The following TCHH variants were observed in gnomAD, a reference collection of about 807,000 sequenced individuals.
TCHH encodes trichohyalin.
A neutral mutation model predicts 6.3 loss-of-function variants in TCHH; 6 were observed. The ratio of observed to expected loss-of-function variants is 0.95; its 90% confidence interval spans 0.52 to 1.88. TCHH has a LOEUF of 1.88. Among genes scored for constraint, TCHH ranks in the 40% most tolerant of loss-of-function variants. The probability of loss-of-function intolerance (pLI) is 0.01; values close to 1 mark genes in which losing one functional copy is unlikely to be tolerated. For missense variants in TCHH, 2,920 were observed against 2,449.1 expected (o/e 1.19, Z -4.06); for synonymous variants, 1,087 against 963.6 (o/e 1.13, Z -2.37).
At position 152,109,355 on chromosome 1, in the gene TCHH, G is replaced by C; in HGVS notation, c.3862C>G (p.Gln1288Glu). ...DREQERRRWQQRDRHFPEEEQ... is the reference protein window; with the variant it reads ...DREQERRRWQERDRHFPEEEQ... ...TCCTCTGGGAAATGCCTGTCGCGCT[G>C]CTGCCAGCGCCTCCTCTCTTGCTCA... Residue 1288 changes from glutamine to glutamate, a missense_variant, in exon 3 of 3, where the codon CAG becomes GAG. Transcript: ENST00000614923. 4 of 1,614,210 alleles carry C rather than the reference G, an allele frequency of 2.5e-6. No homozygotes were observed. The South Asian group carries it at 4.4e-5, about 18-fold the overall frequency.
chr1:152,110,245 C>A lies in TCHH; in HGVS notation c.2972G>T (p.Arg991Leu), dbSNP rs769772669. Residue 991 changes from arginine (R) to leucine (L), a missense_variant, in exon 3 of 3, where the codon CGC (arginine) becomes CTC (leucine). Coordinates refer to ENST00000614923, the MANE Select transcript of TCHH (RefSeq NM_007113.4). ...CTCCTGCTGCAACTCCTCTTCCTCGCGGTATTTTTTCTCCCGCTCCTGGCG... is the reference window on the plus strand; with the variant it reads ...CTCCTGCTGCAACTCCTCTTCCTCGAGGTATTTTTTCTCCCGCTCCTGGCG... ...RRRQEREKKY[R>L]EEEELQQEEE... 2 of 1,608,492 alleles carry A rather than the reference C, an allele frequency of 1.2e-6. No homozygotes were observed. Among genetic ancestry groups the A allele is most frequent in the African/African-American group, 2.7e-5 (2 of 74,146 alleles).
rs1158934278 is a variant in TCHH at position 152,108,059 on chromosome 1, C to A, written c.5158G>T (p.Glu1720Ter). Residue 1720 changes from glutamate (E) to a stop codon, truncating the protein, a stop_gained, in exon 3 of 3, where the codon GAA becomes TAA. Coordinates refer to ENST00000614923, the MANE Select transcript of TCHH (RefSeq NM_007113.4). LOFTEE classifies it low-confidence loss of function (END_TRUNC). ...TCCTCACGGAATTTTCTCTCCAGTT[C>A]CTGGCGGCGCAGCTGCTGTTCCTCC... ...LQEEQQLRRQ[E>*]LERKFREEEQ... 1.9e-6 allele frequency: 3 copies of A among 1,613,816 alleles called. No individual in the cohort carries two copies. The highest frequency in any genetic ancestry group is 2.5e-6 in the Non-Finnish European group (3 of 1,179,956).
Position 152,112,642 on chromosome 1 carries a change from T to C in TCHH, c.575A>G (p.Gln192Arg). 6.2e-7 allele frequency: 1 copy of C among 1,613,890 alleles called. No individual in the cohort carries two copies. Among genetic ancestry groups the C allele is most frequent in the Non-Finnish European group, 8.5e-7 (1 of 1,180,014 alleles). The change falls in exon 3 of 3, where the codon CAG (glutamine) becomes CGG (arginine). Residue 192 changes from glutamine (Q) to arginine (R), a missense_variant. Physicochemically the swap from Gln to Arg is conservative, Grantham distance 43. Transcript: ENST00000614923. Reference protein sequence around the residue: ...EREERRAEEEQLQSCKGHETE... With the variant: ...EREERRAEEERLQSCKGHETE... ...TTCGTGACCTTTGCAACTCTGCAGC[T>C]GCTCTTCCTCTGCACGGCGCTCTTC...
rs368531793 is a variant in TCHH at position 152,110,096 on chromosome 1, T to C, written c.3121A>G (p.Arg1041Gly). 1.1e-5 allele frequency: 17 copies of C among 1,611,050 alleles called. No homozygotes were observed. Among genetic ancestry groups the C allele is most frequent in the Non-Finnish European group, 1.4e-5 (16 of 1,178,970 alleles). Reference sequence around the variant, plus strand: ...TGCCTCTCCCGCTCCTGGAGTCTTCTTTTCTCCCGTTCCTCTCTCAGCAGC... The same window carrying C: ...TGCCTCTCCCGCTCCTGGAGTCTTCCTTTCTCCCGTTCCTCTCTCAGCAGC... ...EQLLREEREK[R>G]RLQERERQYR... Residue 1041 changes from arginine to glycine, a missense_variant, in exon 3 of 3, where the codon AGA becomes GGA. Transcript: ENST00000614923.
chr1:152,107,385 T>C lies in TCHH; in HGVS notation c.5832A>G (p.Ter1944=), dbSNP rs1658132554. 1.9e-6 allele frequency: 3 copies of C among 1,549,220 alleles called. No homozygotes were observed. The South Asian group carries it at 3.7e-5, about 19-fold the overall frequency. ...IQEQRSQYRP[*] ...GGTGTCAAGATATTGGCAACATCACTTAAGGGCGGTATTGAGATCTCTGCT... is the reference window on the plus strand; with the variant it reads ...GGTGTCAAGATATTGGCAACATCACCTAAGGGCGGTATTGAGATCTCTGCT... Residue 1944 remains the stop codon, a stop_retained_variant, in exon 3 of 3, where the codon TAA becomes TAG. Coordinates refer to ENST00000614923, the MANE Select transcript of TCHH (RefSeq NM_007113.4).
chr1:152,112,414 T>C lies in TCHH; in HGVS notation c.803A>G (p.Gln268Arg). Residue 268 changes from glutamine to arginine, a missense_variant, in exon 3 of 3, where the codon CAA becomes CGA. By Grantham distance (43) the Gln-to-Arg change is conservative. Transcript: ENST00000614923. Reference protein sequence around the residue: ...EKLQEEEPQRQRELQEEEEQL... With the variant: ...EKLQEEEPQRRRELQEEEEQL... ...CTCTTCTTCCTCCTGGAGCTCTCTT[T>C]GCCGCTGCGGCTCCTCTTCCTGCAA... 1 of 1,613,898 alleles carries C rather than the reference T, an allele frequency of 6.2e-7. No homozygotes were observed. The highest frequency in any genetic ancestry group is 8.5e-7 in the Non-Finnish European group (1 of 1,180,004).
Position 152,106,685 on chromosome 1 carries a change from CAT to C in TCHH, c.*698_*699del, listed in dbSNP as rs1390049224. 2.6e-5 allele frequency: 4 copies of C among 152,134 alleles called. No individual in the cohort carries two copies. The highest frequency in any genetic ancestry group is 5.9e-5 in the Non-Finnish European group (4 of 68,018). 9.4% of individuals were successfully genotyped at this position (152,134 alleles called of 1,614,324 possible). ...TGAACTCTGAAGTTGAGAAACACCT[CAT>C]TATTTCTTCATGAGATTATGTGTTT... On this transcript the variant is annotated 3_prime_UTR_variant, in exon 3 of 3. Transcript: ENST00000614923.
Position 152,110,306 on chromosome 1 carries a change from C to T in TCHH, c.2911G>A (p.Glu971Lys). 6.2e-7 allele frequency: 1 copy of T among 1,611,646 alleles called. No homozygotes were observed. Among genetic ancestry groups the T allele is most frequent in the Non-Finnish European group, 8.5e-7 (1 of 1,178,960 alleles). Residue 971 changes from glutamate (E) to lysine (K), a missense_variant, in exon 3 of 3, where the codon GAG becomes AAG. By Grantham distance (56) the Glu-to-Lys change is moderately conservative. Coordinates refer to ENST00000614923, the MANE Select transcript of TCHH (RefSeq NM_007113.4). ...TCCGGTTCCTCTCCCAGCAGCTGCT[C>T]TTCCTTCTGCTGCAGCTTCTTATCC... ...RKDKKLQQKE[E>K]QLLGEEPEKR...
chr1:152,113,606 G>A (rs535250883), intron 2 of TCHH, among the ~76,000 whole-genome samples: 25 of 152,230 alleles, frequency 1.6e-4, no homozygotes, highest in Admixed American at 3.9e-4. Context: ...AAACATTTAC[G>A]GGTAGCACCA....
Position 152,108,498 on chromosome 1 carries a change from G to T in TCHH, c.4719C>A (p.Ser1573Arg), listed in dbSNP as rs751340114. 1.2e-6 allele frequency: 2 copies of T among 1,612,100 alleles called. No individual in the cohort carries two copies. Among genetic ancestry groups the T allele is most frequent in the Non-Finnish European group, 1.7e-6 (2 of 1,179,490 alleles). ...GGAATTTTCTGTCACGCTCTTGGCG[G>T]CTCAGCTGCTGTTCCTCCCTCTCCT... The part of the protein sequence containing the change: ...LRQEREEQQL[S>R]RQERDRKFRL... The change falls in exon 3 of 3, where the codon AGC becomes AGA. Residue 1573 changes from serine to arginine, a missense_variant. Ser to Arg is a moderately radical substitution (Grantham distance 110, BLOSUM62 -1). Coordinates refer to ENST00000614923, the MANE Select transcript of TCHH (RefSeq NM_007113.4).
Position 152,108,961 on chromosome 1 carries a change from T to C in TCHH, c.4256A>G (p.Glu1419Gly), listed in dbSNP as rs1658217505. 1.2e-6 allele frequency: 2 copies of C among 1,613,324 alleles called. No homozygotes were observed. The highest frequency in any genetic ancestry group is 1.7e-5 in the Admixed American group (1 of 59,960). Reference protein sequence around the residue: ...RQDRDRKFREEEQQLSRQERD... With the variant: ...RQDRDRKFREGEQQLSRQERD... ...CTCTTGGCGGCTCAGCTGCTGTTCC[T>C]CCTCGCGGAATTTTCTGTCGCGGTC... is the stretch of plus-strand genomic sequence containing the variant. Residue 1419 changes from glutamate (E) to glycine (G), a missense_variant, in exon 3 of 3, where the codon GAG becomes GGG. Glu to Gly is a moderately conservative substitution (Grantham distance 98). Coordinates refer to ENST00000614923, the MANE Select transcript of TCHH (RefSeq NM_007113.4).
Position 152,111,031 on chromosome 1 carries a change from T to C in TCHH, c.2186A>G (p.Gln729Arg). 2 of 1,613,616 alleles carry C rather than the reference T, an allele frequency of 1.2e-6. No individual in the cohort carries two copies. Among genetic ancestry groups the C allele is most frequent in the Non-Finnish European group, 1.7e-6 (2 of 1,180,010 alleles). ...TTCCTCCTGCTCTTGGCGGCGCCTC[T>C]GCCCTTCCTGCTTGCGGGGCCTCGA... ...VYSRPRKQEG[Q>R]RRRQEQEEKR... The change falls in exon 3 of 3, where the codon CAG becomes CGG. Residue 729 changes from glutamine to arginine, a missense_variant. Physicochemically the swap from Gln to Arg is conservative, Grantham distance 43. Transcript: ENST00000614923.
rs573910883 is a variant in TCHH, at chr1:152,110,603, G to T, written c.2614C>A (p.Gln872Lys). 58 of 1,614,072 alleles carry T rather than the reference G, an allele frequency of 3.6e-5. 1 individual carries two copies. The South Asian group carries it at 6.1e-4, about 17-fold the overall frequency. Residue 872 changes from glutamine to lysine, a missense_variant, in exon 3 of 3, where the codon CAA (glutamine) becomes AAA (lysine). By Grantham distance (53) the Gln-to-Lys change is moderately conservative (BLOSUM62 1). Transcript: ENST00000614923. ...TCTTCTAGTTGCCACCTCCATTTTT[G>T]GTCGCGGCGCTGCTCCTGGCTTCGC... ...RRRSQEQRRDQKWRWQLEEER... is the reference protein window; with the variant it reads ...RRRSQEQRRDKKWRWQLEEER...
rs748302312 is a variant in TCHH, at chr1:152,109,229, G to C, written c.3988C>G (p.Arg1330Gly). The C allele has an allele frequency of 1.9e-5, 30 of 1,614,106 alleles. No homozygotes were observed. The highest frequency in any genetic ancestry group is 4.0e-5 in the African/African-American group (3 of 74,934). Residue 1330 changes from arginine (R) to glycine (G), a missense_variant, in exon 3 of 3, where the codon CGC (arginine) becomes GGC (glycine). Coordinates refer to ENST00000614923, the MANE Select transcript of TCHH (RefSeq NM_007113.4). Reference protein sequence around the residue: ...LLREEREEKRRRQETDRKFRE... With the variant: ...LLREEREEKRGRQETDRKFRE... The stretch of plus-strand genomic sequence containing the variant: ...AATTTTCTGTCTGTCTCTTGACGGC[G>C]TCTCTTCTCTTCTCTTTCCTCTCTC...
Position 152,109,704 on chromosome 1 carries a change from G to A in TCHH, c.3513C>T (p.Arg1171=), listed in dbSNP as rs751144905. 2.1e-6 allele frequency: 3 copies of A among 1,411,364 alleles called. No individual in the cohort carries two copies. The highest frequency in any genetic ancestry group is 1.9e-4 in the Middle Eastern group (1 of 5,228). The allele number at this position is 1,411,364 out of a possible 1,614,324, so 87.4% of individuals were successfully genotyped here. ...RRRQELERQY[R]EEEELQQEEE... The stretch of plus-strand genomic sequence containing the variant: ...CCTCCTGCTGCAGCTCCTCTTCCTC[G>A]CGGTATTGCCTCTCCAGCTCCTGGC... The change falls in exon 3 of 3, where the codon CGC becomes CGT. Residue 1171 remains arginine, a synonymous_variant. Transcript: ENST00000614923.
In TCHH at chr1:152,107,303, C is replaced by T; in HGVS notation, c.*82G>A. On this transcript the variant is annotated 3_prime_UTR_variant, in exon 3 of 3. Transcript: ENST00000614923. The stretch of plus-strand genomic sequence containing the variant: ...AGAGTTTTCCCACAACCAGAAACAT[C>T]TGAGTTATCACTTGGTACCCAGTGT... 1 of 1,347,190 alleles carries T rather than the reference C, an allele frequency of 7.4e-7. No homozygotes were observed. The highest frequency in any genetic ancestry group is 1.0e-6 in the Non-Finnish European group (1 of 993,576). The allele number at this position is 1,347,190 out of a possible 1,614,324, so 83.5% of individuals were successfully genotyped here.
Position 152,111,699 on chromosome 1 carries a change from TTGCTGCTCGCGCCTCTCC to T in TCHH, c.1500_1517del (p.Glu501_Gln506del), listed in dbSNP as rs752560318. On this transcript the variant is annotated inframe_deletion, in exon 3 of 3. Coordinates refer to ENST00000614923, the MANE Select transcript of TCHH (RefSeq NM_007113.4). Reference sequence around the variant, plus strand: ...GCCTCTCCTCTTGCTCCCGCCTTAGTTGCTGCTCGCGCCTCTCCTGCTGCTCGCGCCTCTCCTCCTCCT... The same window carrying T: ...GCCTCTCCTCTTGCTCCCGCCTTAGTTGCTGCTCGCGCCTCTCCTCCTCCT... 286 of 1,439,088 alleles carry T rather than the reference TTGCTGCTCGCGCCTCTCC, an allele frequency of 2.0e-4. 1 individual carries two copies. Among genetic ancestry groups the T allele is most frequent in the Middle Eastern group, 9.3e-4 (5 of 5,402 alleles). 89.1% of individuals were successfully genotyped at this position (1,439,088 alleles called of 1,614,324 possible). A position where few individuals can be genotyped will look rare whatever the true frequency, so the allele number is the denominator to read the frequency against.
In TCHH at chr1:152,110,989, TC is replaced by T. The variant is rs1658319675; in HGVS notation, c.2227del (p.Glu743ArgfsTer56). ...CTCCTCCTGCCATTGCAGCTCACTC[TC>T]CCGGCGCCGCCTCTTTTCCTCCTGC... ...QEQEEKRRRR[E>X]SELQWQEEER... On this transcript the variant is annotated frameshift_variant, in exon 3 of 3. Transcript: ENST00000614923. LOFTEE classifies it low-confidence loss of function (END_TRUNC). The T allele has an allele frequency of 6.2e-7, 1 of 1,613,180 alleles. No individual in the cohort carries two copies. The highest frequency in any genetic ancestry group is 1.7e-5 in the Admixed American group (1 of 59,984).
At position 152,106,741 on chromosome 1, in the gene TCHH, A is replaced by C. The variant is rs1658116319; in HGVS notation, c.*644T>G. ...TGGAGTTGAGTTTAAAAAAAATCTA[A>C]TTTAAATTCTAAATCTTCAAAGCTA... is the stretch of plus-strand genomic sequence containing the variant. On this transcript the variant is annotated 3_prime_UTR_variant, in exon 3 of 3. Transcript: ENST00000614923. 1 of 152,222 alleles carries C rather than the reference A, an allele frequency of 6.6e-6. No homozygotes were observed. The highest frequency in any genetic ancestry group is 2.4e-5 in the African/African-American group (1 of 41,448). The allele number at this position is 152,222 out of a possible 1,614,324, so 9.4% of individuals were successfully genotyped here.
Sources: gnomAD v4.1 joint callset for allele counts (sites outside exome capture counted in the v4.1 genomes callset) on GRCh38, gnomAD v4.1.1 for gene constraint, MANE v1.5 for transcripts, NCBI Gene and HGNC (gene_info 2026-07-23, HGNC 2026-07-21) for gene names.